The following HDAC9 variants were observed in gnomAD, a reference collection of about 807,000 sequenced individuals.
HDAC9 encodes histone deacetylase 9.
HDAC9 carries 41 observed loss-of-function variants against 139.4 expected under a neutral mutation model. That is an observed-to-expected ratio of 0.29 (90% CI 0.23 to 0.38). The LOEUF is 0.38. Ranked by LOEUF, HDAC9 falls within the 10% of genes least tolerant of loss-of-function variation. The probability of loss-of-function intolerance (pLI) is 1.00; values close to 1 mark genes in which losing one functional copy is unlikely to be tolerated. For synonymous variants in HDAC9, 517 were observed against 476.2 expected (o/e 1.09, Z -1.12); for missense variants, 1,147 against 1,297.0 (o/e 0.88, Z 1.78).
At chr7:18,960,892 G>A (rs942600411) in intron 24 of HDAC9, among the ~76,000 whole-genome samples, 1 of 151,982 alleles carries the variant, frequency 6.6e-6, no homozygotes, top group African/African-American at 2.4e-5. Flanking sequence ...TCTTGTTGGG[G>A]GGTGGGGGAA....
intron 1 of HDAC9, among the ~76,000 whole-genome samples, chr7:18,333,773 A>G (rs371845264): frequency 9.2e-5 from 14 of 151,666 alleles, no homozygotes; most frequent in African/African-American, 2.9e-4. Context: ...AGAATGAGGT[A>G]TGATAAAATA....
chr7:18,926,231 C>G (rs1348159853), intron 22 of HDAC9, among the ~76,000 whole-genome samples: 1 of 151,926 alleles, frequency 6.6e-6, no homozygotes, highest in Non-Finnish European at 1.5e-5. Context: ...GGATGTAATC[C>G]AAGCTAGTCA....
intron 1 of HDAC9, among the ~76,000 whole-genome samples, chr7:18,387,684 T>TACA (rs1786067362): frequency 6.6e-6 from 1 of 152,204 alleles, no homozygotes; most frequent in Admixed American, 6.5e-5. Context: ...AGTATGTACT[T>TACA]TTAAAAACCT....
intron 1 of HDAC9, among the ~76,000 whole-genome samples, chr7:18,393,185 A>G (rs547585687): frequency 1.3e-5 from 2 of 152,226 alleles, no homozygotes; most frequent in East Asian, 1.9e-4. Flanking sequence ...CTGAGGAACA[A>G]TAATCACTAA....
intron 1 of HDAC9, among the ~76,000 whole-genome samples, chr7:18,150,139 C>G (rs113384137): frequency 1.2e-3 from 187 of 150,730 alleles, no homozygotes; most frequent in African/African-American, 4.3e-3. Context: ...CTGCCATTTC[C>G]TACTTGAAGT....
Position 18,744,012 on chromosome 7 carries a change from G to GTTTTTTTTTTTTTTTT in HDAC9, c.1910-4987_1910-4972dup, listed in dbSNP as rs35414332. Among the ~76,000 whole-genome samples, 22 of 110,438 alleles carry GTTTTTTTTTTTTTTTT rather than the reference G, an allele frequency of 2.0e-4. 1 individual carries two copies. Among genetic ancestry groups the GTTTTTTTTTTTTTTTT allele is most frequent in the East Asian group, 1.4e-3 (4 of 2,770 alleles). 72.5% of individuals were successfully genotyped at this position (110,438 alleles called of 152,430 possible). A position where few individuals can be genotyped will look rare whatever the true frequency, so the allele number is the denominator to read the frequency against. On this transcript the variant is annotated intron_variant, in intron 13 of 25. Transcript: ENST00000686413. ...TTTTTACATCTCACTTTTACTACTAGTTTTTTTTTTTTTTTTTTTTTGAGA... is the reference window on the plus strand; with the variant it reads ...TTTTTACATCTCACTTTTACTACTAGTTTTTTTTTTTTTTTTTTTTTTTTTTTTTTTTTTTTTGAGA...
chr7:18,321,017 T>C lies in HDAC9; in HGVS notation c.-42+30502T>C, dbSNP rs530021535. Among the ~76,000 whole-genome samples the C allele has an allele frequency of 4.8e-4, 73 of 152,306 alleles. 1 individual carries two copies. The highest frequency in any genetic ancestry group is 8.2e-4 in the Non-Finnish European group (56 of 68,022). ...AAATATTTGTCTTAGGTTGAACATA[T>C]GCAATCGCCATTTTTGTAGGCTACG... On this transcript the variant is annotated intron_variant, in intron 1 of 3. Transcript: ENST00000413509.
intron 13 of HDAC9, among the ~76,000 whole-genome samples, chr7:18,733,465 A>T (rs1352120250): frequency 3.3e-5 from 5 of 151,430 alleles, no homozygotes; most frequent in African/African-American, 1.2e-4. Flanking sequence ...GTCCTCAAAT[A>T]TATATGCTTG....
intron 6 of HDAC9, among the ~76,000 whole-genome samples, chr7:18,616,976 G>A (rs1236430528): frequency 1.3e-5 from 2 of 152,172 alleles, no homozygotes; most frequent in Non-Finnish European, 2.9e-5. Context: ...TTATTAAGCT[G>A]AACAATGTGA....
chr7:18,648,236 C>T (rs1183504604), intron 10 of HDAC9, among the ~76,000 whole-genome samples: 1 of 152,042 alleles, frequency 6.6e-6, no homozygotes, highest in African/African-American at 2.4e-5. Flanking sequence ...TGTGGTGAGT[C>T]GTATGGTCAG....
Position 18,629,448 on chromosome 7 carries a change from A to C in HDAC9, c.763A>C (p.Thr255Pro), listed in dbSNP as rs946233836. The C allele has an allele frequency of 1.9e-6, 3 of 1,612,410 alleles. No individual in the cohort carries two copies. The highest frequency in any genetic ancestry group is 2.5e-6 in the Non-Finnish European group (3 of 1,178,998). Residue 255 changes from threonine (T) to proline (P), a missense_variant, in exon 7 of 26, where the codon ACT (threonine) becomes CCT (proline). Around this residue, in one of 7 missense-constraint regions of HDAC9, gnomAD observed 264 missense variants for 273.8 expected, o/e 0.96. Coordinates refer to ENST00000686413, the MANE Select transcript of HDAC9 (RefSeq NM_178425.4). ...LLRRKDGNVV[T>P]SFKKRMFEVT... Reference sequence around the variant, plus strand: ...CAGGCGGAAGGATGGAAATGTTGTCACTTCATTCAAGAAGCGAATGTTTGA... The same window carrying C: ...CAGGCGGAAGGATGGAAATGTTGTCCCTTCATTCAAGAAGCGAATGTTTGA...
At chr7:18,955,162 A>G (rs1426548229) in intron 24 of HDAC9, among the ~76,000 whole-genome samples, 5 of 152,150 alleles carry the variant, frequency 3.3e-5, no homozygotes. Flanking sequence ...AGAAAAATAA[A>G]CCTTCAAATG....
chr7:18,214,757 T>C (rs1242714439), intron 2 of HDAC9, among the ~76,000 whole-genome samples: 4 of 152,090 alleles, frequency 2.6e-5, no homozygotes, highest in African/African-American at 9.7e-5. Flanking sequence ...GATAAATTCA[T>C]TAGTGAATGC....
intron 13 of HDAC9, among the ~76,000 whole-genome samples, chr7:18,735,875 G>A (rs993749563): frequency 2.6e-5 from 4 of 152,178 alleles, no homozygotes; most frequent in African/African-American, 9.7e-5. Context: ...AGCATAGAAA[G>A]GTTTTCCATT....
At chr7:18,352,681 G>A (rs1782940914) in intron 1 of HDAC9, among the ~76,000 whole-genome samples, 1 of 152,048 alleles carries the variant, frequency 6.6e-6, no homozygotes, top group South Asian at 2.1e-4. Context: ...TAGCATGCTA[G>A]ATTCAGGGAA....
intron 2 of HDAC9, among the ~76,000 whole-genome samples, chr7:18,498,573 G>T (rs926335451): frequency 1.3e-5 from 2 of 152,070 alleles, no homozygotes; most frequent in African/African-American, 4.8e-5. Context: ...TTGGACCAGT[G>T]GTCTGGACGT....
chr7:18,811,900 A>G (rs1481707952), intron 17 of HDAC9, among the ~76,000 whole-genome samples: 1 of 151,600 alleles, frequency 6.6e-6, no homozygotes, highest in Non-Finnish European at 1.5e-5. Context: ...AAATATGTAC[A>G]TATTCATCCC....
intron 22 of HDAC9, among the ~76,000 whole-genome samples, chr7:18,904,815 T>A (rs1237496352): frequency 6.6e-6 from 1 of 152,078 alleles, no homozygotes; most frequent in East Asian, 1.9e-4. Flanking sequence ...GACCTCGTGA[T>A]CCGCCCGCCT....
At position 18,874,604 on chromosome 7, in the gene HDAC9, C is replaced by CCT. The variant is rs1563011515; in HGVS notation, c.2803+11_2803+12dup. 1 of 1,500,608 alleles carries CCT rather than the reference C, an allele frequency of 6.7e-7. No individual in the cohort carries two copies. 93.0% of individuals were successfully genotyped at this position (1,500,608 alleles called of 1,614,324 possible). ...ACAAAGTGACGGCAAAATGTAAGTA[C>CCT]CTCTTTCAGGACTTTACGAAAGGCT... On this transcript the variant is annotated intron_variant, in intron 22 of 25. Transcript: ENST00000686413.
Sources: gnomAD v4.1 joint callset for allele counts (sites outside exome capture counted in the v4.1 genomes callset) on GRCh38, gnomAD v4.1.1 for gene constraint, gnomAD v4.1.1 regional missense constraint, MANE v1.5 for transcripts, NCBI Gene and HGNC (gene_info 2026-07-23, HGNC 2026-07-21) for gene names.